SEMA4A: variants seen among roughly 807,000 people sequenced by gnomAD.
SEMA4A encodes semaphorin-4A.
Under a neutral mutation model 72.5 loss-of-function variants are expected in SEMA4A, and 52 were observed. That is an observed-to-expected ratio of 0.72 (90% CI 0.57 to 0.90). The LOEUF is 0.90. Ranked by LOEUF, SEMA4A falls within the 40% of genes least tolerant of loss-of-function variation. SEMA4A has a pLI of 0.00. For missense variants in SEMA4A, 926 were observed against 959.7 expected (o/e 0.96, Z 0.46); for synonymous variants, 369 against 393.1 (o/e 0.94, Z 0.73).
At chr1:156,148,386 G>A (rs1487760399), upstream of SEMA4A, among the ~76,000 whole-genome samples, 2 of 152,204 alleles carry the variant, frequency 1.3e-5, no homozygotes, top group African/African-American at 4.8e-5. Flanking sequence ...GGAGTGTCAG[G>A]AATCAGTGGG....
chr1:156,155,088 T>TA (rs1652891085), intron 2 of SEMA4A: 1 of 301,092 alleles, frequency 3.3e-6, no homozygotes, highest in Admixed American at 4.8e-5. Flanking sequence ...AGGCCCATGC[T>TA]AGAAGACCAT....
chr1:156,154,164 T>C (rs1480659297), intron 1 of SEMA4A, among the ~76,000 whole-genome samples: 2 of 152,154 alleles, frequency 1.3e-5, no homozygotes, highest in African/African-American at 4.8e-5. Flanking sequence ...CTCCCCAAAA[T>C]GTTCCCTGCC....
chr1:156,154,492 C>T lies in SEMA4A; in HGVS notation c.-29-58C>T, dbSNP rs1021556409. On this transcript the variant is annotated intron_variant, in intron 1 of 14. Transcript: ENST00000368285. ...TGCCTGGGGCTCTCCTATTGGTCCT[C>T]GGGGGGATGTGGTAAGAACTGCTCA... 12 of 1,489,592 alleles carry T rather than the reference C, an allele frequency of 8.1e-6. No homozygotes were observed. The South Asian group carries it at 8.4e-5, about 10-fold the overall frequency. The allele number at this position is 1,489,592 out of a possible 1,614,324, so 92.3% of individuals were successfully genotyped here.
In SEMA4A at chr1:156,155,062, A is replaced by G. The variant is rs1652889013; in HGVS notation, c.139+345A>G. The G allele has an allele frequency of 4.0e-5, 14 of 351,724 alleles. No homozygotes were observed. The South Asian group carries it at 4.2e-4, about 11-fold the overall frequency. The allele number at this position is 351,724 out of a possible 1,614,324, so 21.8% of individuals were successfully genotyped here. ...AAACTCCTAACTGCTTCACACTCCCAGGTACCCCAAAGTCAAGGCCCATGC... is the reference window on the plus strand; with the variant it reads ...AAACTCCTAACTGCTTCACACTCCCGGGTACCCCAAAGTCAAGGCCCATGC... On this transcript the variant is annotated intron_variant, in intron 2 of 14. Coordinates refer to ENST00000368285, the MANE Select transcript of SEMA4A (RefSeq NM_022367.4).
chr1:156,168,152 G>C (rs1331072034), intron 10 of SEMA4A, among the ~76,000 whole-genome samples: 1 of 152,022 alleles, frequency 6.6e-6, no homozygotes, highest in Non-Finnish European at 1.5e-5. Context: ...TTGAACTCCT[G>C]ACCTCAGGTG....
intron 4 of SEMA4A, 47 bp downstream of exon 4, chr1:156,158,179 G>C: frequency 6.3e-7 from 1 of 1,599,410 alleles, no homozygotes. Flanking sequence ...GAGAGCTCTG[G>C]CATCCCTAGA....
chr1:156,167,802 G>A (rs1009425326), intron 10 of SEMA4A, among the ~76,000 whole-genome samples: 3 of 152,178 alleles, frequency 2.0e-5, no homozygotes, highest in Admixed American at 6.5e-5. Context: ...GGCAGCATTC[G>A]CTTCCTGTTT....
intron 4 of SEMA4A, 115 bp from the exon 5 acceptor site, chr1:156,158,273 G>A (rs1030702906): frequency 1.4e-5 from 17 of 1,258,422 alleles, no homozygotes; most frequent in African/African-American, 4.4e-5. Flanking sequence ...CTACAGAGGC[G>A]TACAGGGACT....
upstream of SEMA4A, among the ~76,000 whole-genome samples, chr1:156,147,714 T>C (rs1046032694): frequency 6.6e-6 from 1 of 152,112 alleles, no homozygotes; most frequent in African/African-American, 2.4e-5. Context: ...CCTTGCCCCC[T>C]GCAATCAAAG....
rs764520336 is a variant in SEMA4A, at chr1:156,172,928, G to A, written c.1237G>A (p.Val413Met). The A allele has an allele frequency of 1.4e-5, 22 of 1,614,042 alleles. No homozygotes were observed. The highest frequency in any genetic ancestry group is 1.6e-4 in the Middle Eastern group (1 of 6,084). ...GACGCCCCTGCTGGTGAAATCTGGC[G>A]TGGAGTATACACGGCTTGCAGTGGA... is the stretch of plus-strand genomic sequence containing the variant. ...VGTPLLVKSG[V>M]EYTRLAVETA... Residue 413 changes from valine to methionine, a missense_variant, in exon 11 of 15, where the codon GTG (valine) becomes ATG (methionine). Transcript: ENST00000368285.
At chr1:156,170,864 T>C (rs1445587579) in intron 10 of SEMA4A, among the ~76,000 whole-genome samples, 1 of 151,804 alleles carries the variant, frequency 6.6e-6, no homozygotes, top group African/African-American at 2.4e-5. Flanking sequence ...AAGGCTGCAG[T>C]GAACCAAGAT....
intron 10 of SEMA4A, among the ~76,000 whole-genome samples, chr1:156,167,766 T>C (rs996145034): frequency 2.6e-5 from 4 of 152,192 alleles, no homozygotes; most frequent in Non-Finnish European, 4.4e-5. Context: ...GGCAGCCCTC[T>C]TTGTGTGAAG....
At chr1:156,159,768 AAAC>A (rs1046729951) in intron 6 of SEMA4A, among the ~76,000 whole-genome samples, 2 of 151,904 alleles carry the variant, frequency 1.3e-5, no homozygotes, top group African/African-American at 2.4e-5. Flanking sequence ...AACAAAACAA[AAAC>A]AACAACAACA....
rs1156352953 is a variant in SEMA4A, at chr1:156,176,839, C to G, written c.2128C>G (p.Leu710Val). The G allele has an allele frequency of 1.2e-6, 2 of 1,614,236 alleles. No homozygotes were observed. The highest frequency in any genetic ancestry group is 3.3e-5 in the Admixed American group (2 of 60,032). Residue 710 changes from leucine (L) to valine (V), a missense_variant, in exon 15 of 15, where the codon CTC becomes GTC. Coordinates refer to ENST00000368285, the MANE Select transcript of SEMA4A (RefSeq NM_022367.4). ...IILVASPLRALRARGKVQGCE... is the reference protein window; with the variant it reads ...IILVASPLRAVRARGKVQGCE... ...CCTCGTGGCCTCCCCATTGAGAGCA[C>G]TCCGGGCTCGGGGCAAGGTTCAGGG...
chr1:156,161,173 A>AG (rs1653592083), intron 8 of SEMA4A, 144 bp downstream of exon 8: 5 of 330,738 alleles, frequency 1.5e-5, no homozygotes, highest in Admixed American at 6.4e-5. Flanking sequence ...GGCGGGGGAC[A>AG]GCGGGGCTGG....
intron 10 of SEMA4A, among the ~76,000 whole-genome samples, chr1:156,172,469 C>A (rs774495725): frequency 2.5e-4 from 38 of 152,180 alleles, no homozygotes; most frequent in Admixed American, 1.4e-3. Context: ...CTGCTGGCTG[C>A]CAGGCCTCCT....
chr1:156,153,939 G>A (rs1652757756), intron 1 of SEMA4A, among the ~76,000 whole-genome samples, 175 bp downstream of exon 1: 1 of 152,168 alleles, frequency 6.6e-6, no homozygotes, highest in Admixed American at 6.5e-5. Context: ...TGGTGGGATG[G>A]ACCCTCATTG....
chr1:156,159,032 A>C (rs1653327390), intron 6 of SEMA4A: 2 of 56,634 alleles, frequency 3.5e-5, no homozygotes, highest in Non-Finnish European at 9.0e-5. Flanking sequence ...AGATCGTCTC[A>C]AAAAAAAAAA....
At chr1:156,160,338 C>T (rs921029187) in intron 6 of SEMA4A, 105 bp from the exon 7 acceptor site, 15 of 869,970 alleles carry the variant, frequency 1.7e-5, no homozygotes, top group African/African-American at 1.6e-4. Context: ...TGATGCAGGG[C>T]CCCCGAGACT....
Sources: allele counts gnomAD v4.1 joint callset (sites outside exome capture counted in the v4.1 genomes callset), GRCh38; gene constraint gnomAD v4.1.1; transcripts MANE v1.5; gene names NCBI Gene and HGNC (gene_info 2026-07-23, HGNC 2026-07-21).